MTERF4: variants seen among roughly 807,000 people sequenced by gnomAD.
The protein encoded by MTERF4 is mitochondrial transcription termination factor 4.
In MTERF4, 17 loss-of-function variants were observed where a neutral mutation model predicts 22.5. The observed-to-expected ratio is 0.75, with a 90% CI of 0.52 to 1.13. The LOEUF (loss-of-function observed/expected upper bound fraction) is 1.13, where lower values mean the gene tolerates loss of function less well. MTERF4 is among the 50% of genes most tolerant of loss of function. The pLI is 0.00. For synonymous variants in MTERF4, 165 were observed against 175.3 expected (o/e 0.94, Z 0.47); for missense variants, 420 against 466.8 (o/e 0.90, Z 0.92).
At chr2:241,074,344 CAGG>C (rs761908775) in exon 5 of MTERF4, 2 of 152,138 alleles carry the variant, frequency 1.3e-5, no homozygotes, top group African/African-American at 2.4e-5. Flanking sequence ...CTGTGAGCAC[CAGG>C]AGGACTGGTT....
the MTERF4 span, chr2:241,065,488 A>G: frequency 6.2e-7 from 1 of 1,612,892 alleles, no homozygotes; most frequent in Non-Finnish European, 8.5e-7. Context: ...CACCAGCTCC[A>G]GGCCCTGGCG....
At chr2:241,054,946 G>A in the MTERF4 span, among the ~76,000 whole-genome samples, 32 of 151,920 alleles carry the variant, frequency 2.1e-4, no homozygotes, top group Admixed American at 1.6e-3. Context: ...GTGAAACTCC[G>A]TCCCTACTTA....
downstream of MTERF4, chr2:241,071,474 C>G: frequency 7.2e-7 from 1 of 1,392,348 alleles, no homozygotes; most frequent in Non-Finnish European, 9.8e-7. Flanking sequence ...CTTCCCTTCT[C>G]CAAGCACGGC....
chr2:241,094,722 T>C (rs887446241), downstream of MTERF4: 5 of 227,338 alleles, frequency 2.2e-5, no homozygotes, highest in African/African-American at 1.2e-4. The surrounding 1 kb of genome is among the most constrained non-coding windows in gnomAD (Gnocchi z 4.3). Flanking sequence ...TCCTGTGCAC[T>C]GCAGGATGTT....
At chr2:241,094,813 A>G (rs1049033000), downstream of MTERF4, 4 of 164,326 alleles carry the variant, frequency 2.4e-5, no homozygotes, top group African/African-American at 9.6e-5. This position sits in a 1 kb window ranked among gnomAD's most constrained non-coding sequence, Gnocchi z 4.3. Flanking sequence ...GAATGCTACC[A>G]AGGAGACTTG....
downstream of MTERF4, among the ~76,000 whole-genome samples, chr2:241,082,803 G>GT (rs2063392316): frequency 6.6e-6 from 1 of 152,242 alleles, no homozygotes; most frequent in South Asian, 2.1e-4. Context: ...AATGGGCTGT[G>GT]GAGGGAGAGA....
At chr2:241,067,310 T>A (rs1296789510), downstream of MTERF4, among the ~76,000 whole-genome samples, 1 of 152,216 alleles carries the variant, frequency 6.6e-6, no homozygotes, top group East Asian at 1.9e-4. Flanking sequence ...AAGTGGCCCC[T>A]TCCCTGCAGT....
the MTERF4 span, chr2:241,062,686 G>A: frequency 5.1e-6 from 4 of 776,770 alleles, no homozygotes; most frequent in Admixed American, 8.0e-5. Context: ...AACCACTGAT[G>A]ATGTATCATC....
At chr2:241,057,177 G>C in the MTERF4 span, among the ~76,000 whole-genome samples, 2 of 151,556 alleles carry the variant, frequency 1.3e-5, no homozygotes, top group Non-Finnish European at 2.9e-5. Flanking sequence ...TCAGGAGTTT[G>C]AGACCAGCCT....
At chr2:241,081,073 G>A (rs145759841) in intron 4 of MTERF4, among the ~76,000 whole-genome samples, 98 of 152,356 alleles carry the variant, frequency 6.4e-4, no homozygotes, top group African/African-American at 2.1e-3. Flanking sequence ...ACCAGTCCTC[G>A]TGTCACTCGA....
chr2:241,068,073 G>A (rs111411813), downstream of MTERF4: 23 of 928,000 alleles, frequency 2.5e-5, 1 homozygote, highest in African/African-American at 2.0e-4. The surrounding 1 kb of genome is among the most constrained non-coding windows in gnomAD (Gnocchi z 5.3). Flanking sequence ...CCTCACCTGA[G>A]CGGAGACAAA....
intron 3 of MTERF4, 141 bp downstream of exon 3, chr2:241,097,102 T>G: frequency 1.0e-6 from 1 of 980,970 alleles, no homozygotes; most frequent in Non-Finnish European, 1.5e-6. Flanking sequence ...TAACTGACCT[T>G]CACTACATTT....
At chr2:241,059,810 T>C in the MTERF4 span, among the ~76,000 whole-genome samples, 1 of 152,154 alleles carries the variant, frequency 6.6e-6, no homozygotes, top group Non-Finnish European at 1.5e-5. Flanking sequence ...CAGCTACCAG[T>C]GTACTCAGTG....
chr2:241,062,515 C>T, the MTERF4 span, among the ~76,000 whole-genome samples: 1 of 152,114 alleles, frequency 6.6e-6, no homozygotes, highest in Non-Finnish European at 1.5e-5. Flanking sequence ...TTTGTCCTGT[C>T]GGCCTGAACC....
At position 241,073,361 on chromosome 2, in the gene MTERF4, G is replaced by A. The variant is rs187815821; in HGVS notation, n.2801C>T. ...CCCTGAACACGGCAGCAAGGACATCGGAAGTGAGTCAGCAGCGCTGGTGGG... is the reference window on the plus strand; with the variant it reads ...CCCTGAACACGGCAGCAAGGACATCAGAAGTGAGTCAGCAGCGCTGGTGGG... On this transcript the variant is annotated non_coding_transcript_exon_variant, in exon 5 of 5. Coordinates refer to the MTERF4 transcript ENST00000464344. The surrounding 1 kb of genome is among the most constrained non-coding windows in gnomAD (Gnocchi z 6.6). 1.7e-4 allele frequency: 262 copies of A among 1,566,742 alleles called. No individual in the cohort carries two copies. Among genetic ancestry groups the A allele is most frequent in the Middle Eastern group, 3.3e-4 (2 of 6,014 alleles).
chr2:241,063,773 C>G, the MTERF4 span: 2 of 1,134,960 alleles, frequency 1.8e-6, no homozygotes, highest in Non-Finnish European at 2.5e-6. Flanking sequence ...GGTGGGGCAT[C>G]CCCACATTCC....
chr2:241,070,689 C>T (rs971347531), downstream of MTERF4, among the ~76,000 whole-genome samples: 2 of 152,170 alleles, frequency 1.3e-5, no homozygotes, highest in South Asian at 2.1e-4. Flanking sequence ...ACAGATGCTC[C>T]GAAGGGCTCA....
downstream of MTERF4, chr2:241,088,576 A>G (rs2063704619): frequency 4.9e-6 from 3 of 612,182 alleles, no homozygotes; most frequent in African/African-American, 1.9e-5. Flanking sequence ...AGAAGTCCCC[A>G]AGGGGAAACA....
chr2:241,089,162 C>T, downstream of MTERF4: 1 of 798,302 alleles, frequency 1.3e-6, no homozygotes, highest in Non-Finnish European at 1.9e-6. Context: ...AAGCCATCTA[C>T]AACCTGTTAC....
Sources: gnomAD v4.1 joint callset for allele counts (sites outside exome capture counted in the v4.1 genomes callset) on GRCh38, gnomAD v4.1.1 for gene constraint, Gnocchi (gnomAD v3.1) non-coding constraint, MANE v1.5 for transcripts, NCBI Gene and HGNC (gene_info 2026-07-23, HGNC 2026-07-21) for gene names.